ACTR3C: variants seen among roughly 807,000 people sequenced by gnomAD.
ACTR3C encodes actin-related protein 3C.
In ACTR3C, 18 loss-of-function variants were observed where a neutral mutation model predicts 26.3. That is an observed-to-expected ratio of 0.68 (90% confidence interval 0.47 to 1.01). The LOEUF (loss-of-function observed/expected upper bound fraction) is 1.01. Ranked by LOEUF, ACTR3C falls within the 50% of genes least tolerant of loss-of-function variation. The probability of loss-of-function intolerance (pLI) is 0.00; values close to 1 mark genes in which losing one functional copy is unlikely to be tolerated. For missense variants in ACTR3C, 184 were observed against 250.7 expected, an observed-to-expected ratio of 0.73 and a Z score of 1.80; for synonymous variants, 55 against 94.5, an observed-to-expected ratio of 0.58 and a Z score of 2.42.
At chr7:150,279,406 A>G (rs1447984991) in intron 6 of ACTR3C, among the ~76,000 whole-genome samples, 2 of 152,246 alleles carry the variant, frequency 1.3e-5, no homozygotes, top group African/African-American at 4.8e-5. Context: ...TATTCAATTC[A>G]AGCAATTTGT....
chr7:149,969,332 A>C, the ACTR3C span, among the ~76,000 whole-genome samples: 1 of 119,366 alleles, frequency 8.4e-6, no homozygotes. Flanking sequence ...TGTGTGTGTG[A>C]TGCTGCCCCT....
chr7:150,001,206 G>C, the ACTR3C span: 1 of 152,320 alleles, frequency 6.6e-6, no homozygotes, highest in Non-Finnish European at 1.5e-5. Context: ...ACCAGGTGAA[G>C]GCCCAGCTGC....
At chr7:150,179,241 G>A in the ACTR3C span, among the ~76,000 whole-genome samples, 1 of 143,722 alleles carries the variant, frequency 7.0e-6, no homozygotes, top group Admixed American at 6.7e-5. Context: ...ATCTGATGAA[G>A]GTAGAGATGA....
chr7:150,066,658 T>C, the ACTR3C span, among the ~76,000 whole-genome samples: 684 of 152,298 alleles, frequency 4.5e-3, 5 homozygotes, highest in African/African-American at 0.016. Context: ...TTCACATCGT[T>C]CACAGTAAAA....
At chr7:150,148,486 A>G in the ACTR3C span, among the ~76,000 whole-genome samples, 2 of 151,386 alleles carry the variant, frequency 1.3e-5, no homozygotes, top group African/African-American at 4.9e-5. Flanking sequence ...CGGGCGGAAA[A>G]AAAAAGTCAC....
the ACTR3C span, among the ~76,000 whole-genome samples, chr7:150,077,279 A>G: frequency 6.6e-6 from 1 of 152,094 alleles, no homozygotes; most frequent in Non-Finnish European, 1.5e-5. Context: ...CCTTATTATT[A>G]TTTGGGGAAT....
At chr7:150,236,302 T>C in the ACTR3C span, among the ~76,000 whole-genome samples, 1 of 152,226 alleles carries the variant, frequency 6.6e-6, no homozygotes, top group Non-Finnish European at 1.5e-5. Flanking sequence ...ATTAAGTTAG[T>C]ATTAGCATTC....
the ACTR3C span, chr7:149,892,330 C>T: frequency 1.9e-6 from 3 of 1,606,146 alleles, no homozygotes; most frequent in Non-Finnish European, 2.6e-6. Flanking sequence ...AAGTCAAGGT[C>T]ATCAACTCCC....
chr7:150,121,590 A>T, the ACTR3C span, among the ~76,000 whole-genome samples: 56 of 149,674 alleles, frequency 3.7e-4, 1 homozygote, highest in African/African-American at 1.2e-3. Context: ...AGAGGACACA[A>T]ACAAATGGAA....
chr7:150,035,012 G>T, the ACTR3C span, among the ~76,000 whole-genome samples: 1 of 138,362 alleles, frequency 7.2e-6, no homozygotes. Context: ...GGGGTCCTCA[G>T]AGCCAGGGGG....
chr7:150,006,419 G>T, the ACTR3C span, among the ~76,000 whole-genome samples: 3 of 146,536 alleles, frequency 2.0e-5, no homozygotes, highest in Admixed American at 6.9e-5. Context: ...GGATGGTCTC[G>T]ATCTCCTGAC....
At chr7:149,948,420 G>A in the ACTR3C span, among the ~76,000 whole-genome samples, 1 of 151,042 alleles carries the variant, frequency 6.6e-6, no homozygotes, top group Non-Finnish European at 1.5e-5. Flanking sequence ...GAAGAGGCAG[G>A]TGGGACTTGG....
At chr7:150,202,518 T>TA in the ACTR3C span, among the ~76,000 whole-genome samples, 10 of 151,992 alleles carry the variant, frequency 6.6e-5, no homozygotes, top group African/African-American at 2.4e-4. Flanking sequence ...TTTGCTAGAT[T>TA]AAAAAAAACT....
At chr7:150,303,103 C>G (rs112201476) in intron 1 of ACTR3C, 1 of 152,254 alleles carries the variant, frequency 6.6e-6, no homozygotes, top group Admixed American at 6.5e-5. Context: ...GCAACAGGCC[C>G]AGAAAAAAGC....
chr7:150,057,240 T>C, the ACTR3C span, among the ~76,000 whole-genome samples: 3 of 150,708 alleles, frequency 2.0e-5, no homozygotes, highest in Non-Finnish European at 3.0e-5. Context: ...GGTGGTATAC[T>C]TATCTGAGCA....
chr7:150,180,097 A>C, the ACTR3C span, among the ~76,000 whole-genome samples: 3 of 151,036 alleles, frequency 2.0e-5, no homozygotes, highest in Non-Finnish European at 4.4e-5. Flanking sequence ...CGAGGTTAGG[A>C]GATCAAGATC....
the ACTR3C span, among the ~76,000 whole-genome samples, chr7:150,191,587 A>G: frequency 6.2e-3 from 951 of 152,332 alleles, 8 homozygotes; most frequent in African/African-American, 0.022. Context: ...TAAACTCACT[A>G]ATTAGTTCTA....
chr7:150,023,290 C>CATAG, the ACTR3C span, among the ~76,000 whole-genome samples: 4 of 77,532 alleles, frequency 5.2e-5, no homozygotes, highest in African/African-American at 4.8e-5. Context: ...TATGGAGATA[C>CATAG]ATAGATAGAT....
At chr7:150,160,648 A>G in the ACTR3C span, among the ~76,000 whole-genome samples, 1 of 152,076 alleles carries the variant, frequency 6.6e-6, no homozygotes, top group Non-Finnish European at 1.5e-5. Flanking sequence ...CACCAATTAT[A>G]TGGAAGGCAT....
Sources: gnomAD v4.1 joint callset for allele counts (sites outside exome capture counted in the v4.1 genomes callset) on GRCh38, gnomAD v4.1.1 for gene constraint, MANE v1.5 for transcripts, NCBI Gene and HGNC (gene_info 2026-07-23, HGNC 2026-07-21) for gene names.